Variants in ST8SIA1 observed in about 807,000 individuals in gnomAD.
ST8SIA1 encodes the protein alpha-N-acetylneuraminide alpha-2,8-sialyltransferase.
A neutral mutation model predicts 35.9 loss-of-function variants in ST8SIA1; 16 were observed. The ratio of observed to expected loss-of-function variants is 0.45; its 90% CI spans 0.30 to 0.68. The LOEUF (loss-of-function observed/expected upper bound fraction) is 0.68, where lower values mean the gene tolerates loss of function less well. Ranked by LOEUF, ST8SIA1 falls within the 30% of genes least tolerant of loss-of-function variation. ST8SIA1 has a pLI of 0.09. For synonymous variants in ST8SIA1, 170 were observed against 169.6 expected, an observed-to-expected ratio of 1.00 and a Z score of -0.02; for missense variants, 383 against 453.6, an observed-to-expected ratio of 0.84 and a Z score of 1.41.
chr12:22,300,050 G>C (rs183372551), intron 1 of ST8SIA1, among the ~76,000 whole-genome samples: 2 of 152,034 alleles, frequency 1.3e-5, no homozygotes, highest in African/African-American at 4.8e-5. Context: ...GTTTTGGTTT[G>C]CTTAGAAATA....
intron 1 of ST8SIA1, among the ~76,000 whole-genome samples, chr12:22,301,120 G>T (rs888214362): frequency 1.3e-5 from 2 of 151,930 alleles, no homozygotes; most frequent in African/African-American, 4.8e-5. Context: ...GACTATGGCT[G>T]CCCTAAAACT....
At chr12:22,233,149 G>A (rs920976734) in intron 4 of ST8SIA1, among the ~76,000 whole-genome samples, 3 of 152,140 alleles carry the variant, frequency 2.0e-5, no homozygotes, top group African/African-American at 7.2e-5. Context: ...AATATGAGGC[G>A]AGGAAGACGA....
rs192432200 is a variant in ST8SIA1, at chr12:22,245,187, T to C, written c.584+3819A>G. Among the ~76,000 whole-genome samples the C allele has an allele frequency of 2.6e-3, 395 of 152,346 alleles. 8 individuals are homozygous for C. The highest frequency in any genetic ancestry group is 8.8e-3 in the African/African-American group (364 of 41,584). ...CATGCATGCATCATTAGGATTTCTA[T>C]TGGAATTTCAATGAATCTGTAGATA... On this transcript the variant is annotated intron_variant, in intron 4 of 4. Coordinates refer to ENST00000396037, the MANE Select transcript of ST8SIA1 (RefSeq NM_003034.4).
At chr12:22,264,444 A>G (rs1865824378) in intron 2 of ST8SIA1, among the ~76,000 whole-genome samples, 1 of 152,208 alleles carries the variant, frequency 6.6e-6, no homozygotes, top group Non-Finnish European at 1.5e-5. Context: ...AAACAAAATA[A>G]TAACAAGATG....
intron 4 of ST8SIA1, among the ~76,000 whole-genome samples, chr12:22,219,075 T>A (rs1193098360): frequency 6.6e-6 from 1 of 152,144 alleles, no homozygotes; most frequent in Non-Finnish European, 1.5e-5. Context: ...GCCCTCTCTA[T>A]ACTCTAATTT....
At chr12:22,278,233 T>C (rs1350439641) in intron 2 of ST8SIA1, among the ~76,000 whole-genome samples, 2 of 152,244 alleles carry the variant, frequency 1.3e-5, no homozygotes, top group Non-Finnish European at 2.9e-5. Flanking sequence ...CTTGATGTTA[T>C]TTTGTAGATT....
intron 1 of ST8SIA1, among the ~76,000 whole-genome samples, chr12:22,315,853 G>T (rs533087661): frequency 2.6e-5 from 4 of 152,006 alleles, no homozygotes; most frequent in African/African-American, 7.2e-5. Context: ...AAAGTCCATC[G>T]GGATAAACAG....
chr12:22,203,607 A>T (rs1252619336), intron 4 of ST8SIA1, among the ~76,000 whole-genome samples: 3 of 152,086 alleles, frequency 2.0e-5, no homozygotes, highest in Non-Finnish European at 2.9e-5. Context: ...CTGATACAGA[A>T]GTAATAACAG....
At position 22,194,858 on chromosome 12, in the gene ST8SIA1, T is replaced by A. The variant is rs977288652; in HGVS notation, c.*6694A>T. ...ATAATAATCTTATTTGGGGAATATG[T>A]ACCAAAGTACAGACAAAAAAGGGCT... On this transcript the variant is annotated 3_prime_UTR_variant, in exon 5 of 5. Coordinates refer to ENST00000396037, the MANE Select transcript of ST8SIA1 (RefSeq NM_003034.4). 1 of 151,904 alleles carries A rather than the reference T, an allele frequency of 6.6e-6. No individual in the cohort carries two copies. The highest frequency in any genetic ancestry group is 1.5e-5 in the Non-Finnish European group (1 of 68,000). 9.4% of individuals were successfully genotyped at this position (151,904 alleles called of 1,614,324 possible). A position where few individuals can be genotyped will look rare whatever the true frequency, so the allele number is the denominator to read the frequency against.
At chr12:22,316,229 CAAAG>C (rs1866518486) in intron 1 of ST8SIA1, among the ~76,000 whole-genome samples, 1 of 151,968 alleles carries the variant, frequency 6.6e-6, no homozygotes, top group Non-Finnish European at 1.5e-5. Context: ...AAAATTCTGA[CAAAG>C]AAACAGTGAT....
chr12:22,314,881 C>T (rs771780640), intron 1 of ST8SIA1, among the ~76,000 whole-genome samples: 2 of 152,198 alleles, frequency 1.3e-5, no homozygotes, highest in South Asian at 2.1e-4. Context: ...CCAACTGAAG[C>T]TCATCCTAAC....
At chr12:22,233,435 T>A (rs1426554255) in intron 4 of ST8SIA1, among the ~76,000 whole-genome samples, 1 of 152,148 alleles carries the variant, frequency 6.6e-6, no homozygotes, top group African/African-American at 2.4e-5. Flanking sequence ...ACTGTCAGAA[T>A]CTTTGAAATA....
chr12:22,305,233 A>G (rs2135828146), intron 1 of ST8SIA1, among the ~76,000 whole-genome samples: 1 of 152,352 alleles, frequency 6.6e-6, no homozygotes, highest in South Asian at 2.1e-4. Flanking sequence ...AAAAGTGCTT[A>G]AATCAAACAT....
At chr12:22,241,206 G>A (rs868330401) in intron 4 of ST8SIA1, among the ~76,000 whole-genome samples, 54 of 152,164 alleles carry the variant, frequency 3.5e-4, no homozygotes, top group Admixed American at 2.3e-3. Context: ...ATTTCAGAAG[G>A]TAATATGTTT....
chr12:22,268,233 T>C (rs1399074311), intron 2 of ST8SIA1, among the ~76,000 whole-genome samples: 1 of 152,214 alleles, frequency 6.6e-6, no homozygotes, highest in Non-Finnish European at 1.5e-5. Context: ...ACCTGTTCCC[T>C]TTTTCAGACC....
In ST8SIA1 at chr12:22,253,660, G is replaced by A. The variant is rs115667471; in HGVS notation, c.491+1620C>T. 1.0e-3 allele frequency among the ~76,000 whole-genome samples: 155 copies of A among 152,300 alleles called. 1 individual carries two copies. Among genetic ancestry groups the A allele is most frequent in the African/African-American group, 3.6e-3 (150 of 41,554 alleles). ...GGCCCATATGTCATGGGTGCTCAAT[G>A]AGCAGGTGTTGCATTGACTGGAACT... On this transcript the variant is annotated intron_variant, in intron 3 of 4. Transcript: ENST00000396037.
At chr12:22,273,522 C>G (rs1385509063) in intron 2 of ST8SIA1, among the ~76,000 whole-genome samples, 1 of 152,196 alleles carries the variant, frequency 6.6e-6, no homozygotes, top group Non-Finnish European at 1.5e-5. Context: ...CTTCAAATTT[C>G]TGTGTGCCTA....
chr12:22,303,048 A>G (rs554429383), intron 1 of ST8SIA1, among the ~76,000 whole-genome samples: 1 of 152,188 alleles, frequency 6.6e-6, no homozygotes, highest in African/African-American at 2.4e-5. Context: ...TCATGGACAC[A>G]CGTGCTCAAC....
chr12:22,205,834 A>G (rs1413949098), intron 4 of ST8SIA1, among the ~76,000 whole-genome samples: 1 of 152,222 alleles, frequency 6.6e-6, no homozygotes, highest in African/African-American at 2.4e-5. Flanking sequence ...ACAGGAAAAT[A>G]TTAACAAAAT....
Sources: gnomAD v4.1 joint callset for allele counts (sites outside exome capture counted in the v4.1 genomes callset) on GRCh38, gnomAD v4.1.1 for gene constraint, MANE v1.5 for transcripts, NCBI Gene and HGNC (gene_info 2026-07-23, HGNC 2026-07-21) for gene names.